GRIP1: variants seen among roughly 807,000 people sequenced by gnomAD.
GRIP1 encodes glutamate receptor interacting protein 1.
GRIP1 carries 45 observed loss-of-function variants against 129.9 expected under a neutral mutation model. The observed-to-expected ratio is 0.35, with a 90% CI of 0.27 to 0.44. The LOEUF is 0.44. Ranked by LOEUF, GRIP1 falls within the 20% of genes least tolerant of loss-of-function variation. The pLI is 1.00. For synonymous variants in GRIP1, 530 were observed against 520.8 expected (o/e 1.02, Z -0.24); for missense variants, 1,196 against 1,396.8 (o/e 0.86, Z 2.29).
intron 1 of GRIP1, among the ~76,000 whole-genome samples, chr12:66,933,572 A>C (rs1172719459): frequency 6.6e-6 from 1 of 152,208 alleles, no homozygotes; most frequent in East Asian, 1.9e-4. Context: ...TTGAGGGGCT[A>C]CTATATACCA....
At chr12:66,361,482 T>A (rs1395381898) in intron 23 of GRIP1, among the ~76,000 whole-genome samples, 1 of 152,230 alleles carries the variant, frequency 6.6e-6, no homozygotes, top group African/African-American at 2.4e-5. Flanking sequence ...TTCTCATTCA[T>A]CCCAGAGCAC....
intron 1 of GRIP1, among the ~76,000 whole-genome samples, chr12:66,736,467 T>C (rs1179174408): frequency 6.7e-6 from 1 of 149,964 alleles, no homozygotes; most frequent in East Asian, 2.0e-4. Context: ...ATAAGTATTA[T>C]ATACTGTATT....
At chr12:66,941,108 A>C (rs1425481146) in intron 1 of GRIP1, among the ~76,000 whole-genome samples, 1 of 152,174 alleles carries the variant, frequency 6.6e-6, no homozygotes, top group Non-Finnish European at 1.5e-5. Flanking sequence ...AAATAGTAAA[A>C]GCAAGTAGGC....
At chr12:66,977,922 C>T (rs1292636799) in intron 1 of GRIP1, among the ~76,000 whole-genome samples, 2 of 149,452 alleles carry the variant, frequency 1.3e-5, no homozygotes, top group Non-Finnish European at 3.0e-5. Context: ...AGGTGATCCT[C>T]CCACCCCAGC....
At chr12:67,004,197 C>T (rs1321530286) in intron 1 of GRIP1, among the ~76,000 whole-genome samples, 2 of 152,202 alleles carry the variant, frequency 1.3e-5, no homozygotes, top group African/African-American at 4.8e-5. Context: ...GACTTGATCT[C>T]TTTGGGTGAC....
intron 1 of GRIP1, among the ~76,000 whole-genome samples, chr12:66,860,506 T>C (rs2040093406): frequency 6.6e-6 from 1 of 152,046 alleles, no homozygotes; most frequent in Non-Finnish European, 1.5e-5. Flanking sequence ...TGAAAGGAAA[T>C]CCTTTTTGCT....
intron 19 of GRIP1, 129 bp downstream of exon 19, chr12:66,392,179 T>C (rs1225728914): frequency 3.0e-6 from 2 of 675,954 alleles, no homozygotes; most frequent in Admixed American, 2.2e-5. Context: ...GTGTTCAATA[T>C]GATTATGGCT....
chr12:67,053,018 A>G (rs1021718347), intron 1 of GRIP1, among the ~76,000 whole-genome samples: 3 of 152,212 alleles, frequency 2.0e-5, no homozygotes. Context: ...AAAAAATTAT[A>G]TCAGTGAATA....
At chr12:66,853,436 A>T (rs1449994087) in intron 1 of GRIP1, among the ~76,000 whole-genome samples, 2 of 151,960 alleles carry the variant, frequency 1.3e-5, no homozygotes, top group African/African-American at 4.8e-5. Context: ...TTCATTTTTG[A>T]AAATTTATCT....
intron 1 of GRIP1, among the ~76,000 whole-genome samples, chr12:67,056,607 G>T (rs1303930732): frequency 7.9e-5 from 12 of 152,086 alleles, no homozygotes. Context: ...CCACAAGCCT[G>T]CCCAGTTCAA....
intron 7 of GRIP1, among the ~76,000 whole-genome samples, chr12:66,487,106 G>T (rs922485654): frequency 1.3e-5 from 2 of 152,094 alleles, no homozygotes; most frequent in Non-Finnish European, 2.9e-5. Context: ...TTTCTTAAAG[G>T]TCTTTCTGAG....
chr12:67,012,540 T>C (rs1294417394), intron 1 of GRIP1, among the ~76,000 whole-genome samples: 1 of 152,184 alleles, frequency 6.6e-6, no homozygotes, highest in African/African-American at 2.4e-5. Flanking sequence ...AGCATATTTA[T>C]TAACTCCCTA....
chr12:66,389,718 G>A (rs533133594), intron 19 of GRIP1, among the ~76,000 whole-genome samples: 2 of 152,318 alleles, frequency 1.3e-5, no homozygotes, highest in South Asian at 4.1e-4. Flanking sequence ...TCATTGATCA[G>A]TTCTCCTGTC....
chr12:66,471,775 T>C (rs775429564), intron 7 of GRIP1, among the ~76,000 whole-genome samples: 1 of 152,194 alleles, frequency 6.6e-6, no homozygotes, highest in Non-Finnish European at 1.5e-5. Context: ...TATGATAGGA[T>C]GCAGAGGTAG....
chr12:66,351,713 A>G (rs1034518231), intron 24 of GRIP1, among the ~76,000 whole-genome samples: 1 of 152,134 alleles, frequency 6.6e-6, no homozygotes, highest in Non-Finnish European at 1.5e-5. Flanking sequence ...CCCCTAGTCC[A>G]GACTTGAGGT....
intron 1 of GRIP1, among the ~76,000 whole-genome samples, chr12:66,854,316 C>G (rs2137089677): frequency 4.1e-5 from 1 of 24,136 alleles, no homozygotes; most frequent in East Asian, 2.4e-3. Flanking sequence ...TTTAGGGTGA[C>G]TGATTACAAA....
intron 1 of GRIP1, among the ~76,000 whole-genome samples, chr12:66,787,137 G>A (rs1297515775): frequency 1.3e-5 from 2 of 152,082 alleles, no homozygotes; most frequent in South Asian, 2.1e-4. Context: ...TACTATCTGT[G>A]CACACACATC....
chr12:66,730,085 C>G (rs1408940873), intron 1 of GRIP1, among the ~76,000 whole-genome samples: 3 of 152,182 alleles, frequency 2.0e-5, no homozygotes, highest in African/African-American at 7.2e-5. Context: ...AACCAGCATA[C>G]AGCAGACTGA....
Position 66,424,683 on chromosome 12 carries a change from T to C in GRIP1, c.1769-3894A>G, listed in dbSNP as rs181434363. ...CAGAGGTAAGTCATATAGCATTCCA[T>C]GATTTCTTTCCTTTTCTGCAGAATA... On this transcript the variant is annotated intron_variant, in intron 14 of 24. Transcript: ENST00000359742. Among the ~76,000 whole-genome samples, 424 of 152,340 alleles carry C rather than the reference T, an allele frequency of 2.8e-3. 1 individual carries two copies. The highest frequency in any genetic ancestry group is 9.0e-3 in the African/African-American group (373 of 41,574).
Sources: gnomAD v4.1 joint callset for allele counts (sites outside exome capture counted in the v4.1 genomes callset) on GRCh38, gnomAD v4.1.1 for gene constraint, MANE v1.5 for transcripts, NCBI Gene and HGNC (gene_info 2026-07-23, HGNC 2026-07-21) for gene names.